ZCCHC2: variants seen among roughly 807,000 people sequenced by gnomAD.
ZCCHC2 encodes zinc finger CCHC domain-containing protein 2.
A neutral mutation model predicts 103.6 loss-of-function variants in ZCCHC2; 39 were observed. The ratio of observed to expected loss-of-function variants is 0.38; its 90% CI spans 0.29 to 0.49. The LOEUF (loss-of-function observed/expected upper bound fraction) is 0.49. Among genes scored for constraint, ZCCHC2 ranks in the 20% least tolerant of loss-of-function variants. ZCCHC2 has a pLI of 0.96. For missense variants in ZCCHC2, 1,483 were observed against 1,491.0 expected (o/e 0.99, Z 0.09); for synonymous variants, 687 against 608.9 (o/e 1.13, Z -1.89).
chr18:62,543,889 C>G (rs1915305233), intron 3 of ZCCHC2, among the ~76,000 whole-genome samples: 1 of 152,328 alleles, frequency 6.6e-6, no homozygotes, highest in Admixed American at 6.5e-5. Context: ...CAGTGCCCAA[C>G]ACAAGTAGCT....
intron 12 of ZCCHC2, among the ~76,000 whole-genome samples, chr18:62,573,845 G>T (rs1916686462): frequency 1.3e-5 from 2 of 152,068 alleles, no homozygotes; most frequent in Non-Finnish European, 2.9e-5. Context: ...TTTGTTTTCT[G>T]TTTATATCCC....
chr18:62,558,723 T>C lies in ZCCHC2; in HGVS notation c.1445T>C (p.Leu482Ser). ...LQSSLKTSKILEHLKEDSSEA... is the reference protein window; with the variant it reads ...LQSSLKTSKISEHLKEDSSEA... ...TCCTCTCTGAAGACTTCTAAGATAT[T>C]AGAACACTTAAAAGAAGACAGCTCT... Residue 482 changes from leucine (L) to serine (S), a missense_variant, in exon 7 of 14, where the codon TTA becomes TCA. Leu to Ser is a moderately radical substitution (Grantham distance 145). Coordinates refer to ENST00000269499, the MANE Select transcript of ZCCHC2 (RefSeq NM_017742.6). 6.5e-7 allele frequency: 1 copy of C among 1,549,816 alleles called. No individual in the cohort carries two copies. Among genetic ancestry groups the C allele is most frequent in the Non-Finnish European group, 8.7e-7 (1 of 1,146,254 alleles).
At chr18:62,548,299 A>G (rs1598943830) in intron 4 of ZCCHC2, among the ~76,000 whole-genome samples, 1 of 152,144 alleles carries the variant, frequency 6.6e-6, no homozygotes, top group Non-Finnish European at 1.5e-5. Context: ...TAGGACTGCA[A>G]ATATGCCCAG....
chr18:62,543,335 A>G (rs535586145), intron 3 of ZCCHC2, among the ~76,000 whole-genome samples: 139 of 152,084 alleles, frequency 9.1e-4, no homozygotes, highest in African/African-American at 3.0e-3. Flanking sequence ...CGTACCTTTC[A>G]CAGATCTTTC....
intron 12 of ZCCHC2, among the ~76,000 whole-genome samples, chr18:62,571,336 G>A (rs1246575244): frequency 2.0e-5 from 3 of 152,212 alleles, no homozygotes; most frequent in Non-Finnish European, 4.4e-5. Context: ...TTCAGAAAGT[G>A]AGGTACAAGT....
chr18:62,565,891 A>G (rs140337239), intron 11 of ZCCHC2, among the ~76,000 whole-genome samples: 6 of 152,322 alleles, frequency 3.9e-5, no homozygotes, highest in African/African-American at 1.4e-4. Context: ...TTTTTCAACT[A>G]GATATTTGTA....
In ZCCHC2 at chr18:62,577,977, T is replaced by TAA. The variant is rs1381856255; in HGVS notation, c.*1399_*1400insAA. On this transcript the variant is annotated 3_prime_UTR_variant, in exon 14 of 14. Coordinates refer to ENST00000269499, the MANE Select transcript of ZCCHC2 (RefSeq NM_017742.6). ...GCACAGAGCAGAAATGATAGATTTT[T>TAA]ATTGTTTGGAGTAACGTTGGTATGC... is the stretch of plus-strand genomic sequence containing the variant. The TAA allele has an allele frequency of 6.6e-6, 1 of 152,626 alleles. No homozygotes were observed. The highest frequency in any genetic ancestry group is 6.5e-5 in the Admixed American group (1 of 15,270). 9.5% of individuals were successfully genotyped at this position (152,626 alleles called of 1,614,324 possible). A position where few individuals can be genotyped will look rare whatever the true frequency, so the allele number is the denominator to read the frequency against.
chr18:62,583,000 AG>A (rs1917076870), downstream of ZCCHC2, among the ~76,000 whole-genome samples: 1 of 152,172 alleles, frequency 6.6e-6, no homozygotes, highest in African/African-American at 2.4e-5. Flanking sequence ...GCTACTCAGG[AG>A]GCTGAGGCAG....
rs1478408850 is a variant in ZCCHC2 at position 62,523,561 on chromosome 18, C to CGCT, written c.139_140insTGC (p.Pro46_Pro47insLeu). On this transcript the variant is annotated inframe_insertion, in exon 1 of 14. Coordinates refer to ENST00000269499, the MANE Select transcript of ZCCHC2 (RefSeq NM_017742.6). ...CGCCGCGACTGCCGCCCCCCGCCGC[C>CGCT]GCCGCCGCCGCCCGCGGGCCCGTCG... The CGCT allele has an allele frequency of 1.0e-6, 1 of 957,770 alleles. No homozygotes were observed. Among genetic ancestry groups the CGCT allele is most frequent in the African/African-American group, 1.8e-5 (1 of 55,632 alleles). 59.3% of individuals were successfully genotyped at this position (957,770 alleles called of 1,614,324 possible). A position where few individuals can be genotyped will look rare whatever the true frequency, so the allele number is the denominator to read the frequency against.
chr18:62,550,292 A>G (rs1915606444), intron 4 of ZCCHC2, 56 bp from the exon 5 acceptor site: 2 of 1,307,882 alleles, frequency 1.5e-6, no homozygotes, highest in East Asian at 2.4e-5. Context: ...AACTTGTAAC[A>G]TCTTTACCAG....
intron 5 of ZCCHC2, among the ~76,000 whole-genome samples, chr18:62,553,969 G>C (rs1363346638): frequency 6.6e-6 from 1 of 152,124 alleles, no homozygotes; most frequent in Non-Finnish European, 1.5e-5. Flanking sequence ...TGGTTTCAGG[G>C]TTTTGTGTCA....
At chr18:62,579,585 A>G (rs1019783554), downstream of ZCCHC2, among the ~76,000 whole-genome samples, 3 of 152,216 alleles carry the variant, frequency 2.0e-5, no homozygotes, top group Non-Finnish European at 4.4e-5. Context: ...TTTTCAGCCA[A>G]CAAATAATGC....
Position 62,523,341 on chromosome 18 carries a change from C to T in ZCCHC2, c.-84C>T. 2.0e-6 allele frequency: 2 copies of T among 986,504 alleles called. No individual in the cohort carries two copies. Among genetic ancestry groups the T allele is most frequent in the Non-Finnish European group, 2.4e-6 (2 of 831,842 alleles). The allele number at this position is 986,504 out of a possible 1,614,324, so 61.1% of individuals were successfully genotyped here. On this transcript the variant is annotated 5_prime_UTR_variant, in exon 1 of 14. Transcript: ENST00000269499. The stretch of plus-strand genomic sequence containing the variant: ...CATGGAGGGGCCCCGCTCCTGACGG[C>T]CGCGCCGCCGCCTCGGCCCGTGCTC...
At position 62,539,693 on chromosome 18, in the gene ZCCHC2, C is replaced by T. The variant is rs1915089217; in HGVS notation, c.952C>T (p.His318Tyr). 3 of 1,592,126 alleles carry T rather than the reference C, an allele frequency of 1.9e-6. No individual in the cohort carries two copies. Among genetic ancestry groups the T allele is most frequent in the Non-Finnish European group, 2.6e-6 (3 of 1,168,622 alleles). The stretch of plus-strand genomic sequence containing the variant: ...CTTTCTCATCTAGAACAACTCTGCT[C>T]ATGGTGATTACATGCAAAATAACGA... ...AGPRAQNNSAHGDYMQNNESS... is the reference protein window; with the variant it reads ...AGPRAQNNSAYGDYMQNNESS... The change falls in exon 2 of 14, where the codon CAT (histidine) becomes TAT (tyrosine). Residue 318 changes from histidine to tyrosine, a missense_variant. His to Tyr is a moderately conservative substitution (Grantham distance 83, BLOSUM62 2). Around this residue, in one of 3 missense-constraint regions of ZCCHC2, gnomAD observed 568 missense variants for 525.1 expected, o/e 1.08. Transcript: ENST00000269499.
At chr18:62,558,806 T>G in intron 7 of ZCCHC2, 36 bp downstream of exon 7, 4 of 1,352,586 alleles carry the variant, frequency 3.0e-6, no homozygotes, top group Non-Finnish European at 4.1e-6. Context: ...TCATTCTGCC[T>G]GCTGATAGCA....
At chr18:62,563,171 A>G (rs370853429) in intron 9 of ZCCHC2, 27 bp downstream of exon 9, 564 of 1,599,050 alleles carry the variant, frequency 3.5e-4, no homozygotes, top group Middle Eastern at 3.0e-3. Flanking sequence ...TTTTGGAGCT[A>G]TATAGTTAAA....
In ZCCHC2 at chr18:62,564,523, A is replaced by G. The variant is rs567582330; in HGVS notation, c.1687-48A>G. 3.7e-6 allele frequency: 5 copies of G among 1,362,820 alleles called. No individual in the cohort carries two copies. The African/African-American group carries it at 5.9e-5, about 16-fold the overall frequency. 84.4% of individuals were successfully genotyped at this position (1,362,820 alleles called of 1,614,324 possible). A position where few individuals can be genotyped will look rare whatever the true frequency, so the allele number is the denominator to read the frequency against. ...TGTTTATTATGAGAGTAAAAACGTCAAAATGGTTTAGCTTTTGTCTGATTT... is the reference window on the plus strand; with the variant it reads ...TGTTTATTATGAGAGTAAAAACGTCGAAATGGTTTAGCTTTTGTCTGATTT... On this transcript the variant is annotated intron_variant, in intron 9 of 13. Coordinates refer to ENST00000269499, the MANE Select transcript of ZCCHC2 (RefSeq NM_017742.6).
chr18:62,574,802 C>T lies in ZCCHC2; in HGVS notation c.2721C>T (p.Leu907=), dbSNP rs776875240. The part of the protein sequence containing the change: ...NVKVVLPAAG[L]SAAQPPASYP... ...AGGTAGTTCTTCCAGCAGCTGGCCT[C>T]TCAGCTGCTCAGCCACCAGCTTCCT... Residue 907 remains leucine (L), a synonymous_variant, in exon 13 of 14, where the codon CTC becomes CTT. Coordinates refer to ENST00000269499, the MANE Select transcript of ZCCHC2 (RefSeq NM_017742.6). 2.5e-6 allele frequency: 4 copies of T among 1,614,014 alleles called. No homozygotes were observed. The highest frequency in any genetic ancestry group is 3.4e-6 in the Non-Finnish European group (4 of 1,179,900).
Position 62,523,824 on chromosome 18 carries a change from C to G in ZCCHC2, c.400C>G (p.Leu134Val). Residue 134 changes from leucine (L) to valine (V), a missense_variant, in exon 1 of 14, where the codon CTG becomes GTG. Leu to Val is a conservative substitution (Grantham distance 32). This residue lies in a region of ZCCHC2 where 568 missense variants were observed against 525.1 expected (regional missense o/e 1.08). Transcript: ENST00000269499. ...GGAGCTGCGCTTCCTTGGCTCGTGC[C>G]TGGAGGACCTGGCGCGCAAGGACTA... Reference protein sequence around the residue: ...PLELRFLGSCLEDLARKDYHY... With the variant: ...PLELRFLGSCVEDLARKDYHY... 1 of 1,544,642 alleles carries G rather than the reference C, an allele frequency of 6.5e-7. No homozygotes were observed. The highest frequency in any genetic ancestry group is 8.7e-7 in the Non-Finnish European group (1 of 1,146,324).
Sources: gnomAD v4.1 joint callset for allele counts (sites outside exome capture counted in the v4.1 genomes callset) on GRCh38, gnomAD v4.1.1 for gene constraint, gnomAD v4.1.1 regional missense constraint, MANE v1.5 for transcripts, NCBI Gene and HGNC (gene_info 2026-07-23, HGNC 2026-07-21) for gene names.